Variants in CRYM observed in about 807,000 individuals in gnomAD.
CRYM encodes crystallin mu, also known as ketimine reductase mu-crystallin.
CRYM carries 18 observed loss-of-function variants against 32.9 expected under a neutral mutation model. That is an observed-to-expected ratio of 0.55 (90% CI 0.38 to 0.81). The LOEUF is 0.81. CRYM is among the 30% of genes least tolerant of loss of function. CRYM has a pLI of 0.00. For missense variants in CRYM, 337 were observed against 393.5 expected (o/e 0.86, Z 1.21); for synonymous variants, 153 against 152.4 (o/e 1.00, Z -0.03).
At chr16:21,260,983 A>T in intron 7 of CRYM, 1 of 535,610 alleles carries the variant, frequency 1.9e-6, no homozygotes, top group Non-Finnish European at 3.4e-6. Context: ...CTCAATGGTA[A>T]CAGGTGGTGA....
chr16:21,289,529 T>C (rs1960562430), intron 1 of CRYM, among the ~76,000 whole-genome samples: 1 of 152,212 alleles, frequency 6.6e-6, no homozygotes, highest in African/African-American at 2.4e-5. Context: ...ATTCTGCCAA[T>C]CTCTATCCTT....
intron 1 of CRYM, among the ~76,000 whole-genome samples, chr16:21,289,642 G>A (rs573333254): frequency 1.9e-4 from 29 of 152,086 alleles, no homozygotes; most frequent in South Asian, 6.3e-4. Context: ...TACATATTAG[G>A]TGCAAACTTA....
intron 1 of CRYM, among the ~76,000 whole-genome samples, chr16:21,295,601 A>G (rs760574181): frequency 6.6e-6 from 1 of 152,184 alleles, no homozygotes; most frequent in Non-Finnish European, 1.5e-5. Flanking sequence ...ATTGTTAACT[A>G]TAGTAATACA....
upstream of CRYM, among the ~76,000 whole-genome samples, chr16:21,281,222 C>G (rs1567237073): frequency 6.7e-6 from 1 of 149,840 alleles, no homozygotes; most frequent in Non-Finnish European, 1.5e-5. Flanking sequence ...ATCTATGTAT[C>G]TATATAGATA....
intron 1 of CRYM, among the ~76,000 whole-genome samples, chr16:21,286,052 T>C (rs947201398): frequency 6.6e-6 from 1 of 152,224 alleles, no homozygotes; most frequent in Non-Finnish European, 1.5e-5. Context: ...TCCAAAGTTA[T>C]CAGAAACCTG....
chr16:21,258,876 G>C, intron 7 of CRYM, 31 bp from the exon 8 acceptor site: 1 of 1,607,420 alleles, frequency 6.2e-7, no homozygotes, highest in Non-Finnish European at 8.5e-7. Flanking sequence ...GTTCGCCTTT[G>C]GTCAAAACAA....
intron 5 of CRYM, among the ~76,000 whole-genome samples, chr16:21,266,110 A>G (rs1158435955): frequency 1.3e-5 from 2 of 152,114 alleles, no homozygotes; most frequent in African/African-American, 2.4e-5. Context: ...CTGTAATCTC[A>G]GCTACTCGGC....
chr16:21,262,184 A>T, intron 5 of CRYM, 26 bp from the exon 6 acceptor site: 2 of 1,613,782 alleles, frequency 1.2e-6, no homozygotes, highest in Non-Finnish European at 1.7e-6. Flanking sequence ...ACAGACCTTA[A>T]GCCCAGGATT....
chr16:21,261,017 A>C (rs1477208485), intron 7 of CRYM: 2 of 590,510 alleles, frequency 3.4e-6, no homozygotes, highest in Non-Finnish European at 6.1e-6. Flanking sequence ...TACAGAGGTC[A>C]GATCACTTGC....
At chr16:21,271,589 T>G (rs573447944) in intron 3 of CRYM, among the ~76,000 whole-genome samples, 49 of 152,366 alleles carry the variant, frequency 3.2e-4, no homozygotes, top group Non-Finnish European at 4.6e-4. Flanking sequence ...GTCTCTGATT[T>G]GAAAAGGTTT....
intron 1 of CRYM, among the ~76,000 whole-genome samples, chr16:21,298,857 G>A (rs1960839541): frequency 6.6e-6 from 1 of 152,154 alleles, no homozygotes; most frequent in South Asian, 2.1e-4. Context: ...CTAACATTAA[G>A]AAAAATCCCA....
intron 1 of CRYM, among the ~76,000 whole-genome samples, chr16:21,295,199 G>A (rs952406402): frequency 1.3e-5 from 2 of 152,170 alleles, no homozygotes; most frequent in African/African-American, 4.8e-5. Context: ...TGAGATAGCA[G>A]GGTCAAATGG....
chr16:21,271,706 T>G (rs1479870484), intron 3 of CRYM, among the ~76,000 whole-genome samples: 1 of 152,238 alleles, frequency 6.6e-6, no homozygotes. Context: ...TCAGTTAATA[T>G]GAATCTATTC....
At chr16:21,291,021 A>G (rs887607616) in intron 1 of CRYM, among the ~76,000 whole-genome samples, 2 of 152,224 alleles carry the variant, frequency 1.3e-5, no homozygotes, top group African/African-American at 4.8e-5. Flanking sequence ...TCAAGAAATC[A>G]GGGGTAGTAT....
rs1220433079 is a variant in CRYM, at chr16:21,262,009, GCCCTGACTGGGGTCAGAAGGGCCTCAC to G, written c.795+1_795+27del. On this transcript the variant is annotated splice_donor_variant and splice_donor_5th_base_variant and intron_variant, in intron 6 of 7. Coordinates refer to ENST00000572914, the MANE Select transcript of CRYM (RefSeq NM_001376256.1). LOFTEE classifies it high-confidence loss of function. ...TCCAGGTGAGGCCAGCCAGGTGGCA[GCCCTGACTGGGGTCAGAAGGGCCTCAC>G]CCCTGACAGCAGGACATCTCCAGAC... The G allele has an allele frequency of 6.2e-7, 1 of 1,613,242 alleles. No individual in the cohort carries two copies. Among genetic ancestry groups the G allele is most frequent in the Non-Finnish European group, 8.5e-7 (1 of 1,179,542 alleles).
At chr16:21,267,889 G>A in intron 4 of CRYM, 152 bp from the exon 5 acceptor site, 2 of 774,912 alleles carry the variant, frequency 2.6e-6, no homozygotes, top group Non-Finnish European at 4.4e-6. Context: ...ATGGAGAATG[G>A]ACATTTGATC....
intron 3 of CRYM, among the ~76,000 whole-genome samples, chr16:21,274,344 C>T (rs148507652): frequency 6.6e-6 from 1 of 152,286 alleles, no homozygotes; most frequent in East Asian, 1.9e-4. Flanking sequence ...CTGCTTTCAG[C>T]TTTGACTCAA....
At chr16:21,295,864 G>T (rs917301910) in intron 1 of CRYM, among the ~76,000 whole-genome samples, 8 of 152,004 alleles carry the variant, frequency 5.3e-5, no homozygotes, top group Middle Eastern at 3.4e-3. Context: ...CCCAGGAGAT[G>T]GAGGCTGCAG....
At chr16:21,263,962 T>C (rs1459119318) in intron 5 of CRYM, among the ~76,000 whole-genome samples, 1 of 152,268 alleles carries the variant, frequency 6.6e-6, no homozygotes, top group East Asian at 1.9e-4. Context: ...TCTATTTGCA[T>C]ATGTCACTCC....
Sources: gnomAD v4.1 joint callset for allele counts (sites outside exome capture counted in the v4.1 genomes callset) on GRCh38, gnomAD v4.1.1 for gene constraint, MANE v1.5 for transcripts, NCBI Gene and HGNC (gene_info 2026-07-23, HGNC 2026-07-21) for gene names.